TBC1D5: variants seen among roughly 807,000 people sequenced by gnomAD.
TBC1D5 encodes the protein TBC1 domain family member 5.
A neutral mutation model predicts 100.3 loss-of-function variants in TBC1D5; 75 were observed. The observed-to-expected ratio is 0.75, with a 90% CI of 0.62 to 0.91. The LOEUF is 0.91. Among genes scored for constraint, TBC1D5 ranks in the 40% least tolerant of loss-of-function variants. The pLI is 0.00. For synonymous variants in TBC1D5, 323 were observed against 325.6 expected, an observed-to-expected ratio of 0.99 and a Z score of 0.09; for missense variants, 910 against 942.4, an observed-to-expected ratio of 0.97 and a Z score of 0.45.
At chr3:17,349,116 C>T (rs976341554) in intron 13 of TBC1D5, among the ~76,000 whole-genome samples, 5 of 152,116 alleles carry the variant, frequency 3.3e-5, no homozygotes, top group African/African-American at 1.2e-4. Flanking sequence ...AATCCACTTG[C>T]TTTCTTTGGG....
chr3:17,682,495 T>C (rs1310528679), intron 1 of TBC1D5, among the ~76,000 whole-genome samples: 1 of 151,462 alleles, frequency 6.6e-6, no homozygotes, highest in Non-Finnish European at 1.5e-5. Flanking sequence ...TAAATACTTG[T>C]CACAAGAGAA....
intron 4 of TBC1D5, among the ~76,000 whole-genome samples, chr3:17,413,183 G>A (rs1280084437): frequency 1.3e-5 from 2 of 152,158 alleles, no homozygotes; most frequent in African/African-American, 4.8e-5. Context: ...CAGCATCTAA[G>A]CAGGGAAAGG....
intron 2 of TBC1D5, among the ~76,000 whole-genome samples, chr3:17,612,681 A>C (rs1013945154): frequency 6.6e-6 from 1 of 152,044 alleles, no homozygotes; most frequent in Non-Finnish European, 1.5e-5. Context: ...ATAATTATAC[A>C]TAGAAGAACT....
At chr3:17,701,635 T>A (rs192964256) in intron 1 of TBC1D5, among the ~76,000 whole-genome samples, 4 of 151,828 alleles carry the variant, frequency 2.6e-5, no homozygotes, top group African/African-American at 4.8e-5. Context: ...CTTTTTTTTT[T>A]AAACAAAGAA....
intron 9 of TBC1D5, among the ~76,000 whole-genome samples, chr3:17,377,665 C>T (rs1004141143): frequency 2.6e-5 from 4 of 151,924 alleles, no homozygotes; most frequent in Non-Finnish European, 5.9e-5. Context: ...AATGGATGAA[C>T]AGAGTCACAT....
Position 17,707,339 on chromosome 3 carries a change from A to G in TBC1D5, c.-101+32004T>C, listed in dbSNP as rs143152807. On this transcript the variant is annotated intron_variant, in intron 1 of 21. Coordinates refer to ENST00000253692, the Ensembl canonical transcript of TBC1D5. Reference sequence around the variant, plus strand: ...ATTATATCCATTTTCTCTCTTCAATAAATTTATAAAATTTTCACAGTTAAG... The same window carrying G: ...ATTATATCCATTTTCTCTCTTCAATGAATTTATAAAATTTTCACAGTTAAG... Among the ~76,000 whole-genome samples, 300 of 152,256 alleles carry G rather than the reference A, an allele frequency of 2.0e-3. 4 individuals carry two copies. Among genetic ancestry groups the G allele is most frequent in the Non-Finnish European group, 9.3e-4 (63 of 67,978 alleles).
chr3:17,361,520 G>A (rs2091707303), intron 13 of TBC1D5, among the ~76,000 whole-genome samples: 1 of 151,834 alleles, frequency 6.6e-6, no homozygotes, highest in African/African-American at 2.4e-5. Context: ...TATATTTAGG[G>A]CTAAAAACAG....
At chr3:17,623,031 TGA>T (rs2062790944) in intron 2 of TBC1D5, among the ~76,000 whole-genome samples, 1 of 152,306 alleles carries the variant, frequency 6.6e-6, no homozygotes, top group African/African-American at 2.4e-5. Flanking sequence ...AATTCTGGTG[TGA>T]GTTTCCACTT....
intron 2 of TBC1D5, among the ~76,000 whole-genome samples, chr3:17,513,580 A>G (rs2095941865): frequency 6.6e-6 from 1 of 152,212 alleles, no homozygotes; most frequent in South Asian, 2.1e-4. Context: ...GAACTGTGTC[A>G]TTCTAAAAAC....
intron 2 of TBC1D5, among the ~76,000 whole-genome samples, chr3:17,612,764 A>C (rs1419206576): frequency 1.3e-5 from 2 of 152,144 alleles, no homozygotes; most frequent in African/African-American, 4.8e-5. Context: ...ACTGAAAATA[A>C]AACTCAATAA....
At chr3:17,473,197 G>A (rs908321231) in intron 3 of TBC1D5, among the ~76,000 whole-genome samples, 17 of 152,136 alleles carry the variant, frequency 1.1e-4, no homozygotes, top group Non-Finnish European at 2.2e-4. Context: ...CAGGACTTGA[G>A]CCCAGGAGTT....
chr3:17,212,923 G>A lies in TBC1D5; in HGVS notation c.1752+1284C>T, dbSNP rs144309718. The stretch of plus-strand genomic sequence containing the variant: ...AATTTATTTTGAAGAAAGAACTATT[G>A]TTTAAATAAATTTAGTGTAGCCTAA... On this transcript the variant is annotated intron_variant, in intron 18 of 21. Transcript: ENST00000253692. Among the ~76,000 whole-genome samples the A allele has an allele frequency of 3.4e-3, 522 of 152,238 alleles. 4 individuals are homozygous for A. Among genetic ancestry groups the A allele is most frequent in the African/African-American group, 0.011 (475 of 41,538 alleles).
At chr3:17,549,876 G>A (rs1220802422) in intron 2 of TBC1D5, among the ~76,000 whole-genome samples, 1 of 151,808 alleles carries the variant, frequency 6.6e-6, no homozygotes, top group African/African-American at 2.4e-5. Flanking sequence ...GTTGCACTGA[G>A]CCAAGATTGA....
At chr3:17,310,378 G>A (rs559216357) in intron 13 of TBC1D5, among the ~76,000 whole-genome samples, 12 of 152,148 alleles carry the variant, frequency 7.9e-5, no homozygotes, top group African/African-American at 2.9e-4. Context: ...TATCTACAAT[G>A]TGCTGCTTTA....
In TBC1D5 at chr3:17,658,870, G is replaced by A. The variant is rs539748784; in HGVS notation, c.-100-34957C>T. Among the ~76,000 whole-genome samples the A allele has an allele frequency of 5.6e-4, 86 of 152,234 alleles. 1 individual carries two copies. In the South Asian group the frequency reaches 0.017, roughly 30 times the overall value. On this transcript the variant is annotated intron_variant, in intron 1 of 21. Transcript: ENST00000253692. ...GTAGAGACAGGGTTTTGCCATGTTGGCCAGGCTGGTCTCCTGATCTCAGGT... is the reference window on the plus strand; with the variant it reads ...GTAGAGACAGGGTTTTGCCATGTTGACCAGGCTGGTCTCCTGATCTCAGGT...
chr3:17,211,600 T>C (rs2072995890), intron 18 of TBC1D5, among the ~76,000 whole-genome samples: 1 of 152,232 alleles, frequency 6.6e-6, no homozygotes, highest in Admixed American at 6.5e-5. Context: ...CCTGAGCTTC[T>C]GGAGAATTTT....
chr3:17,678,197 G>T (rs1219212867), intron 1 of TBC1D5, among the ~76,000 whole-genome samples: 1 of 152,060 alleles, frequency 6.6e-6, no homozygotes, highest in Non-Finnish European at 1.5e-5. Context: ...GACAATTCCT[G>T]TTCTTATTAT....
chr3:17,473,518 G>A (rs771468841), intron 3 of TBC1D5, among the ~76,000 whole-genome samples: 15 of 152,184 alleles, frequency 9.9e-5, no homozygotes, highest in East Asian at 9.6e-4. Context: ...ATATAAACAC[G>A]TAAAGTATAA....
At chr3:17,388,007 A>G (rs923008511) in intron 8 of TBC1D5, among the ~76,000 whole-genome samples, 4 of 152,078 alleles carry the variant, frequency 2.6e-5, no homozygotes, top group African/African-American at 9.7e-5. Flanking sequence ...ACATTTGTCC[A>G]TAAAATAAAA....
Sources: allele counts gnomAD v4.1 joint callset (sites outside exome capture counted in the v4.1 genomes callset), GRCh38; gene constraint gnomAD v4.1.1; transcripts MANE v1.5; gene names NCBI Gene and HGNC (gene_info 2026-07-23, HGNC 2026-07-21).